The following TMEM132D variants were observed in gnomAD, a reference collection of about 807,000 sequenced individuals.
The protein encoded by TMEM132D is mature OL transmembrane protein.
A neutral mutation model predicts 62.3 loss-of-function variants in TMEM132D; 21 were observed. The observed-to-expected ratio is 0.34, with a 90% confidence interval of 0.24 to 0.49. TMEM132D has a LOEUF of 0.49. Among genes scored for constraint, TMEM132D ranks in the 20% least tolerant of loss-of-function variants. The probability of loss-of-function intolerance (pLI) is 0.99; values close to 1 mark genes in which losing one functional copy is unlikely to be tolerated. For synonymous variants in TMEM132D, 621 were observed against 575.6 expected (o/e 1.08, Z -1.13); for missense variants, 1,346 against 1,402.8 (o/e 0.96, Z 0.65).
chr12:129,639,382 TA>T (rs34476667), intron 2 of TMEM132D, among the ~76,000 whole-genome samples: 6,988 of 90,400 alleles, frequency 0.077, 447 homozygotes, highest in South Asian at 0.22. Flanking sequence ...GACTCTGTCT[TA>T]AAAAAAAAAA....
At chr12:129,808,589 A>T (rs1421488366) in intron 1 of TMEM132D, among the ~76,000 whole-genome samples, 1 of 152,262 alleles carries the variant, frequency 6.6e-6, no homozygotes, top group Non-Finnish European at 1.5e-5. Flanking sequence ...ATTGAAACGT[A>T]TAAAGCAACA....
intron 4 of TMEM132D, among the ~76,000 whole-genome samples, chr12:129,241,904 T>A (rs58570109): frequency 0.28 from 42,874 of 152,096 alleles, 6,366 homozygotes; most frequent in African/African-American, 0.38. Context: ...TTATAAGATG[T>A]GTGCATGAAA....
intron 5 of TMEM132D, among the ~76,000 whole-genome samples, chr12:129,207,147 A>T (rs776248498): frequency 3.3e-5 from 5 of 151,726 alleles, no homozygotes; most frequent in East Asian, 1.9e-4. Flanking sequence ...CAAACAAAAA[A>T]CCCCCCACTA....
At chr12:129,219,515 C>T (rs372700578) in intron 4 of TMEM132D, among the ~76,000 whole-genome samples, 13 of 152,256 alleles carry the variant, frequency 8.5e-5, no homozygotes, top group African/African-American at 2.2e-4. Flanking sequence ...ATAAGGGCAC[C>T]GGAGACAGCA....
At chr12:129,720,791 T>C (rs1462991652) in intron 1 of TMEM132D, among the ~76,000 whole-genome samples, 2 of 152,226 alleles carry the variant, frequency 1.3e-5, no homozygotes, top group Non-Finnish European at 2.9e-5. Flanking sequence ...ACAGAGATGA[T>C]AATCAACGTA....
chr12:129,658,338 T>G (rs1483444449), intron 2 of TMEM132D, among the ~76,000 whole-genome samples: 2 of 152,196 alleles, frequency 1.3e-5, no homozygotes, highest in African/African-American at 4.8e-5. Flanking sequence ...CCTACAAAGC[T>G]TCAACAAATC....
At chr12:129,484,982 A>T (rs1202220089) in intron 3 of TMEM132D, among the ~76,000 whole-genome samples, 1 of 152,240 alleles carries the variant, frequency 6.6e-6, no homozygotes, top group East Asian at 1.9e-4. Flanking sequence ...CCAAAGGGAC[A>T]TGGTCACCTG....
chr12:129,673,673 T>C (rs1019034287), intron 2 of TMEM132D, among the ~76,000 whole-genome samples: 2 of 152,154 alleles, frequency 1.3e-5, no homozygotes, highest in African/African-American at 4.8e-5. Flanking sequence ...CAAAGAACCA[T>C]ATTGACGATT....
chr12:129,364,059 C>T (rs192156728), intron 3 of TMEM132D, among the ~76,000 whole-genome samples: 3 of 152,142 alleles, frequency 2.0e-5, no homozygotes, highest in African/African-American at 4.8e-5. Context: ...ATGTCACTCA[C>T]GAAGAGTTTT....
At chr12:129,288,930 A>G (rs994960357) in intron 4 of TMEM132D, among the ~76,000 whole-genome samples, 3 of 152,232 alleles carry the variant, frequency 2.0e-5, no homozygotes, top group African/African-American at 7.2e-5. Flanking sequence ...ACATGTGACA[A>G]CGTGAATAAA....
chr12:129,115,929 G>A (rs565917163), intron 5 of TMEM132D, among the ~76,000 whole-genome samples: 1 of 152,326 alleles, frequency 6.6e-6, no homozygotes, highest in South Asian at 2.1e-4. Context: ...CTCACAAAGG[G>A]GACAAAGGGA....
At chr12:129,605,103 G>A (rs1259106516) in intron 2 of TMEM132D, among the ~76,000 whole-genome samples, 1 of 151,966 alleles carries the variant, frequency 6.6e-6, no homozygotes, top group Non-Finnish European at 1.5e-5. Context: ...AGACACCTTC[G>A]ATTTGGCTCA....
At chr12:129,526,621 G>A (rs1405071260) in intron 3 of TMEM132D, among the ~76,000 whole-genome samples, 1 of 152,148 alleles carries the variant, frequency 6.6e-6, no homozygotes, top group Non-Finnish European at 1.5e-5. Context: ...TTTGAACTGG[G>A]CACACTGCTG....
chr12:129,846,560 C>T (rs1349304212), intron 1 of TMEM132D, among the ~76,000 whole-genome samples: 4 of 152,064 alleles, frequency 2.6e-5, no homozygotes, highest in African/African-American at 7.2e-5. Flanking sequence ...TTAGCAAGTC[C>T]GTTATGATAT....
intron 4 of TMEM132D, among the ~76,000 whole-genome samples, chr12:129,330,007 C>G (rs1414161623): frequency 2.0e-5 from 3 of 151,998 alleles, no homozygotes; most frequent in African/African-American, 7.3e-5. Flanking sequence ...TAAGTTTTGC[C>G]TGCTAAGATC....
intron 3 of TMEM132D, among the ~76,000 whole-genome samples, chr12:129,449,776 C>T (rs1873214200): frequency 6.6e-6 from 1 of 152,172 alleles, no homozygotes; most frequent in African/African-American, 2.4e-5. Flanking sequence ...CAACTACTTC[C>T]TCAGGTACAC....
At chr12:129,117,280 G>A (rs1205845566) in intron 5 of TMEM132D, among the ~76,000 whole-genome samples, 1 of 151,996 alleles carries the variant, frequency 6.6e-6, no homozygotes, top group Non-Finnish European at 1.5e-5. Context: ...GGGAGGAGGG[G>A]GGAGGAATGA....
chr12:129,142,243 C>A (rs937907534), intron 5 of TMEM132D, among the ~76,000 whole-genome samples: 14 of 152,064 alleles, frequency 9.2e-5, no homozygotes, highest in African/African-American at 3.4e-4. Context: ...ACTTTCTGCC[C>A]CTATCGTACG....
At chr12:129,368,146 G>A (rs1162632853) in intron 3 of TMEM132D, among the ~76,000 whole-genome samples, 4 of 152,196 alleles carry the variant, frequency 2.6e-5, no homozygotes, top group East Asian at 3.9e-4. Flanking sequence ...TTAAAATACC[G>A]AGTGACACTC....
Sources: allele counts gnomAD v4.1 joint callset (sites outside exome capture counted in the v4.1 genomes callset), GRCh38; gene constraint gnomAD v4.1.1; transcripts MANE v1.5; gene names NCBI Gene and HGNC (gene_info 2026-07-23, HGNC 2026-07-21).